Variants in CCDC148 observed in about 807,000 individuals in gnomAD.
CCDC148 encodes coiled-coil domain containing 148, also known as coiled-coil domain-containing protein 148.
A neutral mutation model predicts 85.7 loss-of-function variants in CCDC148; 89 were observed. The observed-to-expected ratio is 1.04, with a 90% CI of 0.87 to 1.24. The LOEUF (loss-of-function observed/expected upper bound fraction) is 1.24. Among genes scored for constraint, CCDC148 ranks in the 50% most tolerant of loss-of-function variants. The pLI, the probability that CCDC148 is intolerant of heterozygous loss-of-function variation, is 0.00. For synonymous variants in CCDC148, 230 were observed against 213.9 expected (o/e 1.08, Z -0.66); for missense variants, 692 against 671.7 (o/e 1.03, Z -0.33).
intron 11 of CCDC148, among the ~76,000 whole-genome samples, chr2:158,219,902 C>T (rs1687084683): frequency 6.6e-6 from 1 of 152,098 alleles, no homozygotes; most frequent in South Asian, 2.1e-4. Context: ...CTTTAGCATG[C>T]TATTTATCTC....
At chr2:158,299,357 T>C (rs769954497) in intron 9 of CCDC148, among the ~76,000 whole-genome samples, 14 of 152,226 alleles carry the variant, frequency 9.2e-5, no homozygotes, top group Non-Finnish European at 1.5e-4. Flanking sequence ...TATTTTCATA[T>C]ACATTTTGGA....
chr2:158,322,827 G>A (rs1194295230), intron 7 of CCDC148, among the ~76,000 whole-genome samples: 3 of 151,822 alleles, frequency 2.0e-5, no homozygotes, highest in Non-Finnish European at 4.4e-5. Flanking sequence ...GTCAGATCTC[G>A]AATAATAATA....
At chr2:158,346,523 T>C (rs1574660743) in intron 2 of CCDC148, among the ~76,000 whole-genome samples, 1 of 152,160 alleles carries the variant, frequency 6.6e-6, no homozygotes, top group Non-Finnish European at 1.5e-5. Context: ...CTCAGTGCTA[T>C]CACCTGCATA....
chr2:158,414,421 A>G (rs1347950327), intron 1 of CCDC148, among the ~76,000 whole-genome samples: 1 of 152,184 alleles, frequency 6.6e-6, no homozygotes, highest in African/African-American at 2.4e-5. Context: ...CCCAAAGTTC[A>G]CATTTTAGAG....
intron 10 of CCDC148, among the ~76,000 whole-genome samples, chr2:158,222,654 G>A (rs1380019439): frequency 2.6e-5 from 4 of 152,116 alleles, no homozygotes; most frequent in African/African-American, 7.2e-5. Flanking sequence ...TTTTGCTGGG[G>A]AATAGCTGGG....
At chr2:158,383,135 A>G (rs1300846908) in intron 1 of CCDC148, among the ~76,000 whole-genome samples, 1 of 151,322 alleles carries the variant, frequency 6.6e-6, no homozygotes, top group East Asian at 1.9e-4. Context: ...CCCTGTCTCT[A>G]CTAAAAATAA....
intron 11 of CCDC148, among the ~76,000 whole-genome samples, chr2:158,215,116 A>T (rs1686779756): frequency 6.6e-6 from 1 of 152,222 alleles, no homozygotes; most frequent in Non-Finnish European, 1.5e-5. Context: ...ATATGGATAT[A>T]AAAGTATAAT....
intron 9 of CCDC148, among the ~76,000 whole-genome samples, chr2:158,286,022 A>G (rs1011930792): frequency 1.3e-5 from 2 of 152,192 alleles, no homozygotes; most frequent in African/African-American, 4.8e-5. Context: ...AGGTGGCAAT[A>G]TCCTATACAT....
intron 9 of CCDC148, chr2:158,288,938 C>T (rs1690761992): frequency 4.0e-6 from 1 of 251,920 alleles, no homozygotes; most frequent in Non-Finnish European, 7.8e-6. Flanking sequence ...ATGGTGGCAG[C>T]AAGAGAAAAA....
intron 1 of CCDC148, among the ~76,000 whole-genome samples, chr2:158,447,966 AG>A (rs1688229843): frequency 6.6e-6 from 1 of 152,190 alleles, no homozygotes; most frequent in Non-Finnish European, 1.5e-5. Flanking sequence ...CCTTTCCAAA[AG>A]CAAGGTTGCA....
At chr2:158,188,044 G>A (rs1001424788) in intron 11 of CCDC148, among the ~76,000 whole-genome samples, 3 of 152,066 alleles carry the variant, frequency 2.0e-5, no homozygotes, top group South Asian at 4.1e-4. Flanking sequence ...TAGAAAGCCA[G>A]ACGGCCTCCT....
At chr2:158,422,458 A>T (rs534404884) in intron 1 of CCDC148, among the ~76,000 whole-genome samples, 41 of 152,338 alleles carry the variant, frequency 2.7e-4, no homozygotes, top group African/African-American at 9.6e-4. Flanking sequence ...GTAATCCATC[A>T]TATAAACAGA....
Position 158,174,691 on chromosome 2 carries a change from A to G in CCDC148, c.1629+1830T>C, listed in dbSNP as rs142638691. Reference sequence around the variant, plus strand: ...CAGCCTGTACAGCATTAGTGTGCTCATTACTGTAGGAAGTAATGAGCTGTT... The same window carrying G: ...CAGCCTGTACAGCATTAGTGTGCTCGTTACTGTAGGAAGTAATGAGCTGTT... On this transcript the variant is annotated intron_variant, in intron 13 of 13. Coordinates refer to ENST00000283233, the MANE Select transcript of CCDC148 (RefSeq NM_138803.4). 2.0e-4 allele frequency among the ~76,000 whole-genome samples: 30 copies of G among 152,102 alleles called. 1 individual carries two copies. In the East Asian group the frequency reaches 5.6e-3, roughly 28 times the overall value.
intron 9 of CCDC148, among the ~76,000 whole-genome samples, chr2:158,252,567 G>T (rs956798605): frequency 6.6e-6 from 1 of 151,626 alleles, no homozygotes; most frequent in African/African-American, 2.4e-5. Flanking sequence ...TGACCTCATG[G>T]TGATAGTTGA....
rs896529363 is a variant in CCDC148, at chr2:158,290,263, C to T, written c.1110+19170G>A. ...GTGGGAAGGACTGGGCACAGGGATA[C>T]CCCACCACTCAGGACACATTGTCAG... On this transcript the variant is annotated intron_variant, in intron 9 of 13. Coordinates refer to ENST00000283233, the MANE Select transcript of CCDC148 (RefSeq NM_138803.4). 3.3e-5 allele frequency among the ~76,000 whole-genome samples: 5 copies of T among 152,176 alleles called. No homozygotes were observed. In the East Asian group the frequency reaches 7.7e-4, roughly 23 times the overall value.
At chr2:158,428,395 G>A (rs74699265) in intron 1 of CCDC148, among the ~76,000 whole-genome samples, 7,049 of 152,058 alleles carry the variant, frequency 0.046, 242 homozygotes, top group Non-Finnish European at 0.062. Flanking sequence ...AGATGGGATG[G>A]AGGAATAATT....
At chr2:158,396,767 TAAC>T (rs1162422419) in intron 1 of CCDC148, among the ~76,000 whole-genome samples, 5 of 152,084 alleles carry the variant, frequency 3.3e-5, no homozygotes, top group East Asian at 3.9e-4. Flanking sequence ...GCAAAAATGT[TAAC>T]TACTACTAAG....
intron 11 of CCDC148, among the ~76,000 whole-genome samples, chr2:158,193,731 T>C (rs1685528439): frequency 6.6e-6 from 1 of 152,030 alleles, no homozygotes. Context: ...ATATAAGGCT[T>C]TATAGGAATA....
chr2:158,215,997 A>G (rs1275109999), intron 11 of CCDC148, among the ~76,000 whole-genome samples: 1 of 152,204 alleles, frequency 6.6e-6, no homozygotes, highest in Non-Finnish European at 1.5e-5. Context: ...TCTAGCCTCC[A>G]GAATAGTGAG....
Sources: gnomAD v4.1 joint callset for allele counts (sites outside exome capture counted in the v4.1 genomes callset) on GRCh38, gnomAD v4.1.1 for gene constraint, MANE v1.5 for transcripts, NCBI Gene and HGNC (gene_info 2026-07-23, HGNC 2026-07-21) for gene names.